Variants in PRX observed in about 807,000 individuals in gnomAD.
PRX encodes the protein periaxin.
A neutral mutation model predicts 29.6 loss-of-function variants in PRX; 24 were observed. The observed-to-expected ratio is 0.81, with a 90% CI of 0.59 to 1.14. The LOEUF (loss-of-function observed/expected upper bound fraction) is 1.14, where lower values mean the gene tolerates loss of function less well. Among genes scored for constraint, PRX ranks in the 50% most tolerant of loss-of-function variants. The pLI is 0.00. For synonymous variants in PRX, 772 were observed against 831.7 expected (o/e 0.93, Z 1.24); for missense variants, 1,838 against 1,926.4 (o/e 0.95, Z 0.86).
At chr19:40,402,046 AC>A (rs988364182) in intron 5 of PRX, among the ~76,000 whole-genome samples, 1 of 150,838 alleles carries the variant, frequency 6.6e-6, no homozygotes, top group Non-Finnish European at 1.5e-5. Context: ...AGCCAAGCCC[AC>A]CCCCATTTAA....
At chr19:40,402,834 G>A (rs1397333598) in intron 5 of PRX, among the ~76,000 whole-genome samples, 1 of 150,916 alleles carries the variant, frequency 6.6e-6, no homozygotes, top group Non-Finnish European at 1.5e-5. Context: ...AGGGACTGTT[G>A]TTCAGTTTTG....
In PRX at chr19:40,400,592, C is replaced by CAAAAAAAAAAAAAAAAAAAAAAAAAAAA. The variant is rs71171569; in HGVS notation, c.185-1777_185-1776insTTTTTTTTTTTTTTTTTTTTTTTTTTTT. 1.6e-4 allele frequency among the ~76,000 whole-genome samples: 7 copies of CAAAAAAAAAAAAAAAAAAAAAAAAAAAA among 44,832 alleles called. 1 individual carries two copies. The highest frequency in any genetic ancestry group is 2.0e-4 in the African/African-American group (2 of 10,146). 29.4% of individuals were successfully genotyped at this position (44,832 alleles called of 152,430 possible). ...GGGCAACAAGAGCGAAATTCCATCTCAAAAAAAAAAAAAAAAAAAAAAAAA... is the reference window on the plus strand; with the variant it reads ...GGGCAACAAGAGCGAAATTCCATCTCAAAAAAAAAAAAAAAAAAAAAAAAAAAAAAAAAAAAAAAAAAAAAAAAAAAAA... On this transcript the variant is annotated intron_variant, in intron 5 of 6. Transcript: ENST00000324001.
At chr19:40,402,664 A>G (rs563869697) in intron 5 of PRX, among the ~76,000 whole-genome samples, 1 of 150,782 alleles carries the variant, frequency 6.6e-6, no homozygotes, top group African/African-American at 2.4e-5. Context: ...CCTCCCAGCT[A>G]CTAGGGAGGC....
upstream of PRX, among the ~76,000 whole-genome samples, chr19:40,414,341 C>T (rs868310011): frequency 3.2e-4 from 48 of 152,318 alleles, no homozygotes; most frequent in African/African-American, 1.2e-3. Flanking sequence ...CCAGGCTGGT[C>T]TCGAACTCCT....
At chr19:40,407,653 T>C (rs189610974) in intron 4 of PRX, 2 of 602,732 alleles carry the variant, frequency 3.3e-6, no homozygotes, top group African/African-American at 1.8e-5. Context: ...CAGCTCCTTA[T>C]TAATTTAGCT....
Position 40,394,627 on chromosome 19 carries a change from C to T in PRX, c.3725G>A (p.Gly1242Glu), listed in dbSNP as rs1260551419. ...QAGEAATGEG[G>E]LRLKLPTLGA... ...CAGTGTGGGCAACTTCAGCCTCAGC[C>T]CACCCTCGCCTGTGGCCGCCTCGCC... The change falls in exon 7 of 7, where the codon GGG (glycine) becomes GAG (glutamate). Residue 1242 changes from glycine (G) to glutamate (E), a missense_variant. This residue lies in a region of PRX where 1,143 missense variants were observed against 1,193.0 expected (regional missense o/e 0.96). Coordinates refer to ENST00000324001, the MANE Select transcript of PRX (RefSeq NM_181882.3). This position sits in a 1 kb window ranked among gnomAD's most constrained non-coding sequence, Gnocchi z 5.8. 6.2e-7 allele frequency: 1 copy of T among 1,607,482 alleles called. No individual in the cohort carries two copies. Among genetic ancestry groups the T allele is most frequent in the South Asian group, 1.1e-5 (1 of 91,052 alleles).
In PRX at chr19:40,395,445, A is replaced by G. The variant is rs2079424249; in HGVS notation, c.2907T>C (p.Ala969=). Residue 969 remains alanine, a synonymous_variant, in exon 7 of 7, where the codon GCT becomes GCC. Transcript: ENST00000324001. ...TGGCCTCAGCCTCAGCCCCCACCCG[A>G]GCCTTGGGGAGTGAGATGGCAAATT... ...VSKFAISLPK[A]RVGAEAEAKG... 1 of 1,613,582 alleles carries G rather than the reference A, an allele frequency of 6.2e-7. No individual in the cohort carries two copies. Among genetic ancestry groups the G allele is most frequent in the Admixed American group, 1.7e-5 (1 of 59,952 alleles).
chr19:40,395,005 A>G lies in PRX; in HGVS notation c.3347T>C (p.Val1116Ala). ...TGACAGCTGCATTCCACTGACGGCCACAGCCCCCTCTGCCCTCCCTTCCTC... is the reference window on the plus strand; with the variant it reads ...TGACAGCTGCATTCCACTGACGGCCGCAGCCCCCTCTGCCCTCCCTTCCTC... ...AQEEGRAEGA[V>A]AVSGMQLSGL... The change falls in exon 7 of 7, where the codon GTG (valine) becomes GCG (alanine). Residue 1116 changes from valine (V) to alanine (A), a missense_variant. Physicochemically the swap from Val to Ala is moderately conservative, Grantham distance 64. Around this residue, in one of 3 missense-constraint regions of PRX, gnomAD observed 1,143 missense variants for 1,193.0 expected, o/e 0.96. Transcript: ENST00000324001. 6.2e-7 allele frequency: 1 copy of G among 1,609,272 alleles called. No individual in the cohort carries two copies. The highest frequency in any genetic ancestry group is 8.5e-7 in the Non-Finnish European group (1 of 1,179,822).
Position 40,406,556 on chromosome 19 carries a change from C to T in PRX, c.27+1350G>A, listed in dbSNP as rs554885689. ...CATCCTGTGGGCAGAGAACTCCTGGCGCTGTACCCACTGCCTCTCGCCCCC... is the reference window on the plus strand; with the variant it reads ...CATCCTGTGGGCAGAGAACTCCTGGTGCTGTACCCACTGCCTCTCGCCCCC... On this transcript the variant is annotated intron_variant, in intron 4 of 6. Coordinates refer to ENST00000324001, the MANE Select transcript of PRX (RefSeq NM_181882.3). 5.3e-5 allele frequency among the ~76,000 whole-genome samples: 8 copies of T among 152,198 alleles called. No individual in the cohort carries two copies. The East Asian group carries it at 1.4e-3, about 26-fold the overall frequency.
At chr19:40,414,093 G>C (rs1465213698), upstream of PRX, among the ~76,000 whole-genome samples, 1 of 152,092 alleles carries the variant, frequency 6.6e-6, no homozygotes. Context: ...CCCTGCTTTT[G>C]AATCAAGGGT....
At chr19:40,408,912 C>T (rs1272254563) in intron 1 of PRX, among the ~76,000 whole-genome samples, 2 of 151,944 alleles carry the variant, frequency 1.3e-5, no homozygotes, top group Non-Finnish European at 2.9e-5. Flanking sequence ...CTCACTGCAG[C>T]CTCCAACTCC....
rs576717931 is a variant in PRX, at chr19:40,393,918, G to C, written c.*48C>G. ...TAGTTATCACACACACAACAGCGAG[G>C]GGGTAGAGAAAGGAAGGCAAGAAGG... On this transcript the variant is annotated 3_prime_UTR_variant, in exon 7 of 7. Coordinates refer to ENST00000324001, the MANE Select transcript of PRX (RefSeq NM_181882.3). 1.9e-6 allele frequency: 3 copies of C among 1,602,312 alleles called. No homozygotes were observed. Among genetic ancestry groups the C allele is most frequent in the African/African-American group, 1.3e-5 (1 of 74,994 alleles).
rs1410825400 is a variant in PRX, at chr19:40,397,289, G to A, written c.1063C>T (p.Leu355=). 2 of 1,613,364 alleles carry A rather than the reference G, an allele frequency of 1.2e-6. No homozygotes were observed. The highest frequency in any genetic ancestry group is 1.7e-6 in the Non-Finnish European group (2 of 1,180,030). The change falls in exon 7 of 7, where the codon CTG becomes TTG. Residue 355 remains leucine (L), a synonymous_variant. Transcript: ENST00000324001. ...GGAAAACTAAGGCGGGGCATCTTCA[G>A]GGCCACCTCAGGTGCCTCTCCCCGG... ...EARGEAPEVA[L]KMPRLSFPRF...
At chr19:40,405,481 C>T (rs1386733901) in intron 4 of PRX, among the ~76,000 whole-genome samples, 1 of 152,116 alleles carries the variant, frequency 6.6e-6, no homozygotes. Context: ...AGATGCCCCA[C>T]AGCAGTGGCC....
chr19:40,394,882 A>G lies in PRX; in HGVS notation c.3470T>C (p.Leu1157Pro), dbSNP rs780733833. 6.2e-7 allele frequency: 1 copy of G among 1,611,444 alleles called. No homozygotes were observed. Among genetic ancestry groups the G allele is most frequent in the Admixed American group, 1.7e-5 (1 of 60,022 alleles). The change falls in exon 7 of 7, where the codon CTG becomes CCG. Residue 1157 changes from leucine (L) to proline (P), a missense_variant. This residue lies in a region of PRX where 1,143 missense variants were observed against 1,193.0 expected (regional missense o/e 0.96). Coordinates refer to ENST00000324001, the MANE Select transcript of PRX (RefSeq NM_181882.3). This position sits in a 1 kb window ranked among gnomAD's most constrained non-coding sequence, Gnocchi z 5.8. The stretch of plus-strand genomic sequence containing the variant: ...GGTACCTGCCTCCCCAAAGCCGGTC[A>G]GCTCCACCTGTGGCAGGGAGATGCC... ...PLGISLPQVELTGFGEAGTPG... is the reference protein window; with the variant it reads ...PLGISLPQVEPTGFGEAGTPG...
At position 40,396,771 on chromosome 19, in the gene PRX, C is replaced by A. The variant is rs2079442604; in HGVS notation, c.1581G>T (p.Glu527Asp). 1.2e-6 allele frequency: 2 copies of A among 1,611,226 alleles called. No homozygotes were observed. Among genetic ancestry groups the A allele is most frequent in the Non-Finnish European group, 1.7e-6 (2 of 1,178,712 alleles). Residue 527 changes from glutamate to aspartate, a missense_variant, in exon 7 of 7, where the codon GAG (glutamate) becomes GAT (aspartate). Glu to Asp is a conservative substitution (Grantham distance 45, BLOSUM62 2). Transcript: ENST00000324001. ...TCTCTGGCACCTTTGGGAGTTTCATCTCCGACACTTTCAGCAGCTGTACCT... is the reference window on the plus strand; with the variant it reads ...TCTCTGGCACCTTTGGGAGTTTCATATCCGACACTTTCAGCAGCTGTACCT... The part of the protein sequence containing the change: ...LPEVQLLKVS[E>D]MKLPKVPEMA...
intron 4 of PRX, among the ~76,000 whole-genome samples, chr19:40,406,600 G>A (rs2079531715): frequency 6.6e-6 from 1 of 152,032 alleles, no homozygotes; most frequent in Non-Finnish European, 1.5e-5. Flanking sequence ...CTTGGCCCCT[G>A]TAACAGTAGA....
In PRX at chr19:40,395,437, C is replaced by T; in HGVS notation, c.2915G>A (p.Gly972Glu). ...AGCCCCTTTGGCCTCAGCCTCAGCC[C>T]CCACCCGAGCCTTGGGGAGTGAGAT... ...FAISLPKARV[G>E]AEAEAKGAGE... The change falls in exon 7 of 7, where the codon GGG (glycine) becomes GAG (glutamate). Residue 972 changes from glycine to glutamate, a missense_variant. This residue lies in a region of PRX where 1,143 missense variants were observed against 1,193.0 expected (regional missense o/e 0.96). Transcript: ENST00000324001. The T allele has an allele frequency of 6.2e-7, 1 of 1,614,104 alleles. No homozygotes were observed. The highest frequency in any genetic ancestry group is 8.5e-7 in the Non-Finnish European group (1 of 1,180,026).
chr19:40,409,470 T>G (rs1281052912), intron 1 of PRX, among the ~76,000 whole-genome samples: 2 of 148,372 alleles, frequency 1.3e-5, no homozygotes, highest in Non-Finnish European at 3.0e-5. Context: ...TTATTATTAT[T>G]ATTATTATTA....
Sources: allele counts gnomAD v4.1 joint callset (sites outside exome capture counted in the v4.1 genomes callset), GRCh38; gene constraint gnomAD v4.1.1; regional missense constraint gnomAD v4.1.1; non-coding constraint Gnocchi (gnomAD v3.1); transcripts MANE v1.5; gene names NCBI Gene and HGNC (gene_info 2026-07-23, HGNC 2026-07-21).